Variants in NAV3 observed in about 807,000 individuals in gnomAD.
NAV3 encodes pore membrane and/or filament interacting like protein 1.
NAV3 carries 87 observed loss-of-function variants against 244.7 expected under a neutral mutation model. That is an observed-to-expected ratio of 0.36 (90% CI 0.30 to 0.42). NAV3 has a LOEUF of 0.42. Among genes scored for constraint, NAV3 ranks in the 20% least tolerant of loss-of-function variants. The pLI is 1.00. For missense variants in NAV3, 2,663 were observed against 2,893.3 expected, an observed-to-expected ratio of 0.92 and a Z score of 1.83; for synonymous variants, 1,126 against 1,042.2, an observed-to-expected ratio of 1.08 and a Z score of -1.55.
chr12:77,873,679 G>GTGTA (rs540390004), intron 1 of NAV3, among the ~76,000 whole-genome samples: 8,479 of 107,080 alleles, frequency 0.079, 709 homozygotes, highest in South Asian at 0.13. Context: ...ATTTGTATGT[G>GTGTA]TATATATATA....
intron 1 of NAV3, among the ~76,000 whole-genome samples, chr12:77,927,210 C>T (rs564686580): frequency 2.0e-5 from 3 of 152,248 alleles, no homozygotes; most frequent in Admixed American, 1.3e-4. Flanking sequence ...ATATTGTCAC[C>T]AGCATTATTA....
intron 2 of NAV3, among the ~76,000 whole-genome samples, chr12:77,807,839 A>G (rs1027358290): frequency 5.3e-5 from 8 of 152,136 alleles, no homozygotes; most frequent in Non-Finnish European, 1.0e-4. Flanking sequence ...GTCTTTTCAC[A>G]TAGTCCCATA....
At chr12:77,912,761 G>A (rs1276317112) in intron 1 of NAV3, among the ~76,000 whole-genome samples, 1 of 151,988 alleles carries the variant, frequency 6.6e-6, no homozygotes, top group Non-Finnish European at 1.5e-5. Context: ...CTCCCAAGTA[G>A]CTGGGATTAC....
chr12:77,616,449 C>T (rs1197558194), intron 2 of NAV3, among the ~76,000 whole-genome samples: 1 of 152,044 alleles, frequency 6.6e-6, no homozygotes, highest in Non-Finnish European at 1.5e-5. Flanking sequence ...AGTTTTTTCA[C>T]AATATGCATT....
intron 5 of NAV3, among the ~76,000 whole-genome samples, chr12:77,976,548 T>A (rs2136219292): frequency 6.6e-6 from 1 of 152,174 alleles, no homozygotes. Context: ...TCAATAGTCA[T>A]AACTTATATG....
At chr12:78,002,035 C>T (rs910270675) in intron 7 of NAV3, among the ~76,000 whole-genome samples, 2 of 152,280 alleles carry the variant, frequency 1.3e-5, no homozygotes, top group African/African-American at 2.4e-5. Flanking sequence ...TAAATCAAAT[C>T]TTGTAGAAAC....
Position 78,188,318 on chromosome 12 carries a change from A to G in NAV3, c.5861A>G (p.Asp1954Gly). 1 of 1,610,846 alleles carries G rather than the reference A, an allele frequency of 6.2e-7. No homozygotes were observed. The highest frequency in any genetic ancestry group is 8.5e-7 in the Non-Finnish European group (1 of 1,177,678). ...VSGKTKWDVL[D>G]GVIRRLFKEY... The stretch of plus-strand genomic sequence containing the variant: ...GGAAAAACCAAGTGGGATGTCTTAG[A>G]TGGTGTAATAAGACGTCTCTTTAAG... Residue 1954 changes from aspartate (D) to glycine (G), a missense_variant, in exon 32 of 40, where the codon GAT (aspartate) becomes GGT (glycine). Physicochemically the swap from Asp to Gly is moderately conservative, Grantham distance 94 (BLOSUM62 -1). Transcript: ENST00000397909.
chr12:77,870,442 T>C (rs1325217384), intron 1 of NAV3, among the ~76,000 whole-genome samples: 1 of 151,640 alleles, frequency 6.6e-6, no homozygotes, highest in Non-Finnish European at 1.5e-5. Flanking sequence ...AGGGGACAAA[T>C]TGGTATGCTT....
intron 1 of NAV3, among the ~76,000 whole-genome samples, chr12:77,862,512 G>GA (rs2136347952): frequency 6.6e-6 from 1 of 151,902 alleles, no homozygotes; most frequent in African/African-American, 2.4e-5. Flanking sequence ...TGAATAATTT[G>GA]AAAGTGTTTA....
In NAV3 at chr12:78,180,793, A is replaced by G. The variant is rs571541419; in HGVS notation, c.5518-78A>G. 254 of 1,138,546 alleles carry G rather than the reference A, an allele frequency of 2.2e-4. 3 individuals carry two copies. The South Asian group carries it at 3.9e-3, about 17-fold the overall frequency. 70.5% of individuals were successfully genotyped at this position (1,138,546 alleles called of 1,614,324 possible). ...GTTTTATTTAACAAACAAGCTAATT[A>G]ACTCTGATAAAAGACTTGGTGCTAT... On this transcript the variant is annotated intron_variant, in intron 29 of 39. Transcript: ENST00000397909.
intron 7 of NAV3, among the ~76,000 whole-genome samples, chr12:78,000,648 C>T (rs1182466714): frequency 7.2e-6 from 1 of 138,434 alleles, no homozygotes; most frequent in Non-Finnish European, 1.5e-5. Context: ...GGACTACAGG[C>T]GCCCGCCACC....
At chr12:77,832,664 A>T (rs993709275) in intron 1 of NAV3, among the ~76,000 whole-genome samples, 1 of 152,202 alleles carries the variant, frequency 6.6e-6, no homozygotes, top group Admixed American at 6.5e-5. Flanking sequence ...ATTTAAAAAT[A>T]TAGAATAAGT....
intron 2 of NAV3, among the ~76,000 whole-genome samples, chr12:77,691,568 A>G (rs1875033434): frequency 6.6e-6 from 1 of 151,270 alleles, no homozygotes; most frequent in Non-Finnish European, 1.5e-5. Flanking sequence ...TGAACTTCAT[A>G]GTATAGACAG....
chr12:78,163,553 G>A (rs956772524), intron 23 of NAV3, among the ~76,000 whole-genome samples: 1 of 152,008 alleles, frequency 6.6e-6, no homozygotes, highest in Non-Finnish European at 1.5e-5. Context: ...GGGTGACAGA[G>A]AGAGACTGCA....
At chr12:77,901,039 T>C (rs1295840146) in intron 1 of NAV3, among the ~76,000 whole-genome samples, 1 of 152,222 alleles carries the variant, frequency 6.6e-6, no homozygotes, top group East Asian at 1.9e-4. Flanking sequence ...TTTTGCGAAG[T>C]ATCTGTTCAT....
intron 12 of NAV3, among the ~76,000 whole-genome samples, chr12:78,108,403 C>CA (rs1954917546): frequency 1.3e-5 from 2 of 151,998 alleles, no homozygotes; most frequent in Non-Finnish European, 2.9e-5. Flanking sequence ...ATAATCTAGG[C>CA]AAAAAATCAA....
chr12:78,135,991 C>T (rs151272681), intron 18 of NAV3, among the ~76,000 whole-genome samples: 6 of 152,218 alleles, frequency 3.9e-5, no homozygotes, highest in East Asian at 1.9e-4. Flanking sequence ...TGTGTTAATT[C>T]GGTTAATACC....
At chr12:78,037,817 G>A (rs1310870030) in intron 9 of NAV3, among the ~76,000 whole-genome samples, 1 of 152,158 alleles carries the variant, frequency 6.6e-6, no homozygotes, top group Non-Finnish European at 1.5e-5. Context: ...TTTCTGTAGA[G>A]TTAAGTTTCT....
At chr12:78,198,541 A>C in intron 35 of NAV3, 64 bp from the exon 36 acceptor site, 1 of 984,224 alleles carries the variant, frequency 1.0e-6, no homozygotes, top group Non-Finnish European at 1.5e-6. Flanking sequence ...TTTCCAAGAT[A>C]ATTTTAATGA....
Sources: allele counts gnomAD v4.1 joint callset (sites outside exome capture counted in the v4.1 genomes callset), GRCh38; gene constraint gnomAD v4.1.1; transcripts MANE v1.5; gene names NCBI Gene and HGNC (gene_info 2026-07-23, HGNC 2026-07-21).